The following TRIM7 variants were observed in gnomAD, a reference collection of about 807,000 sequenced individuals.
The protein encoded by TRIM7 is tripartite motif containing 7, also known as E3 ubiquitin-protein ligase TRIM7.
A neutral mutation model predicts 37.9 loss-of-function variants in TRIM7; 32 were observed. That is an observed-to-expected ratio of 0.84 (90% CI 0.64 to 1.13). The LOEUF (loss-of-function observed/expected upper bound fraction) is 1.13. Ranked by LOEUF, TRIM7 falls within the 50% of genes most tolerant of loss-of-function variation. TRIM7 has a pLI of 0.00. For synonymous variants in TRIM7, 351 were observed against 321.3 expected (o/e 1.09, Z -0.99); for missense variants, 732 against 714.0 (o/e 1.03, Z -0.29).
rs774312709 is a variant in TRIM7, at chr5:181,198,639, C to A, written c.988+51G>T. On this transcript the variant is annotated intron_variant, in intron 5 of 6. Transcript: ENST00000274773. ...CCAGGGACCCCTGAGCTACCAGGAA[C>A]CCTCCACCACCACCGCACTATGTGG... The A allele has an allele frequency of 3.8e-6, 5 of 1,311,712 alleles. No individual in the cohort carries two copies. The Admixed American group carries it at 8.8e-5, about 23-fold the overall frequency. The allele number at this position is 1,311,712 out of a possible 1,614,324, so 81.3% of individuals were successfully genotyped here. A position where few individuals can be genotyped will look rare whatever the true frequency, so the allele number is the denominator to read the frequency against.
intron 2 of TRIM7, 64 bp from the exon 3 acceptor site, chr5:181,200,145 C>T (rs1304711868): frequency 6.2e-7 from 1 of 1,613,462 alleles, no homozygotes; most frequent in African/African-American, 1.3e-5. Context: ...GGCCAGTGGC[C>T]TGAGTCATCC....
chr5:181,195,835 C>T, intron 6 of TRIM7, 158 bp from the exon 7 acceptor site: 1 of 917,214 alleles, frequency 1.1e-6, no homozygotes, highest in Non-Finnish European at 1.5e-6. Context: ...CACGCTCTGC[C>T]TCCCAGAGAT....
Position 181,195,443 on chromosome 5 carries a change from C to A in TRIM7, c.1259G>T (p.Arg420Leu). 1.2e-6 allele frequency: 2 copies of A among 1,608,316 alleles called. No homozygotes were observed. Among genetic ancestry groups the A allele is most frequent in the Non-Finnish European group, 1.7e-6 (2 of 1,177,834 alleles). Residue 420 changes from arginine (R) to leucine (L), a missense_variant, in exon 7 of 7, where the codon CGA (arginine) becomes CTA (leucine). Coordinates refer to ENST00000274773, the MANE Select transcript of TRIM7 (RefSeq NM_203293.3). Reference sequence around the variant, plus strand: ...GGGAGTGAAGGGCGTCAGGCCCTTTCGGCGCACGCTCTCGCGGGCCACGCC... The same window carrying A: ...GGGAGTGAAGGGCGTCAGGCCCTTTAGGCGCACGCTCTCGCGGGCCACGCC... ...AFGVARESVRRKGLTPFTPEE... is the reference protein window; with the variant it reads ...AFGVARESVRLKGLTPFTPEE...
rs77374714 is a variant in TRIM7, at chr5:181,194,982, C to G, written c.*184G>C. 9.2e-3 allele frequency: 6,203 copies of G among 673,470 alleles called. 318 individuals carry two copies. The African/African-American group carries it at 0.1, about 11-fold the overall frequency. 41.7% of individuals were successfully genotyped at this position (673,470 alleles called of 1,614,324 possible). ...GGAACACCCTCAGGAGTCCAAAGCC[C>G]CTGTTCCCCTGCTCGGTTGGCCACA... On this transcript the variant is annotated 3_prime_UTR_variant, in exon 7 of 7. Transcript: ENST00000274773.
intron 6 of TRIM7, 82 bp downstream of exon 6, chr5:181,198,101 A>C: frequency 6.5e-7 from 1 of 1,540,614 alleles, no homozygotes; most frequent in Non-Finnish European, 8.9e-7. Flanking sequence ...ACCATATGCA[A>C]AACCCTGAGA....
At chr5:181,202,378 C>T (rs1229139918) in intron 2 of TRIM7, 1 of 151,908 alleles carries the variant, frequency 6.6e-6, no homozygotes, top group Non-Finnish European at 1.5e-5. Flanking sequence ...GGGGTTGCTC[C>T]ATGTTGGTCA....
At chr5:181,200,420 C>A in intron 2 of TRIM7, 6 of 1,312,346 alleles carry the variant, frequency 4.6e-6, no homozygotes, top group Non-Finnish European at 5.8e-6. Flanking sequence ...TAAATTAGTG[C>A]CTCCTGGGGC....
intron 6 of TRIM7, 30 bp from the exon 7 acceptor site, chr5:181,195,707 C>T: frequency 6.6e-7 from 1 of 1,507,466 alleles, no homozygotes; most frequent in Non-Finnish European, 8.9e-7. Flanking sequence ...GAAATGTCCC[C>T]ACGCAGCCAG....
rs1561652720 is a variant in TRIM7 at position 181,204,627 on chromosome 5, C to A, written c.484G>T (p.Ala162Ser). 1.4e-6 allele frequency: 2 copies of A among 1,475,568 alleles called. No homozygotes were observed. The highest frequency in any genetic ancestry group is 8.9e-7 in the Non-Finnish European group (1 of 1,126,552). The allele number at this position is 1,475,568 out of a possible 1,614,324, so 91.4% of individuals were successfully genotyped here. A position where few individuals can be genotyped will look rare whatever the true frequency, so the allele number is the denominator to read the frequency against. The change falls in exon 1 of 7, where the codon GCC (alanine) becomes TCC (serine). Residue 162 changes from alanine (A) to serine (S), a missense_variant. Physicochemically the swap from Ala to Ser is moderately conservative, Grantham distance 99. Transcript: ENST00000274773. ...CDRAREHREH[A>S]VLPLDEAVQE... ...ACCGCCTCGTCCAGCGGCAGCACGG[C>A]GTGCTCGCGGTGCTCGCGGGCGCGG...
At chr5:181,203,813 C>A in intron 1 of TRIM7, 173 bp from the exon 2 acceptor site, 1 of 1,368,130 alleles carries the variant, frequency 7.3e-7, no homozygotes, top group Non-Finnish European at 9.4e-7. Flanking sequence ...CTCTGAAGGT[C>A]TCGGGATCTT....
At position 181,205,192 on chromosome 5, in the gene TRIM7, C is replaced by T; in HGVS notation, c.-82G>A. The T allele has an allele frequency of 1.6e-6, 2 of 1,248,968 alleles. No homozygotes were observed. The highest frequency in any genetic ancestry group is 2.0e-6 in the Non-Finnish European group (2 of 989,266). The allele number at this position is 1,248,968 out of a possible 1,614,324, so 77.4% of individuals were successfully genotyped here. On this transcript the variant is annotated 5_prime_UTR_variant, in exon 1 of 7. Coordinates refer to ENST00000274773, the MANE Select transcript of TRIM7 (RefSeq NM_203293.3). Reference sequence around the variant, plus strand: ...GGACGCGGAGCTGGGCGCCGAGGGCCCACTGGGAGAGGAAGGGCGGGGCTG... The same window carrying T: ...GGACGCGGAGCTGGGCGCCGAGGGCTCACTGGGAGAGGAAGGGCGGGGCTG...
intron 1 of TRIM7, chr5:181,204,153 T>C: frequency 1.0e-6 from 1 of 1,003,578 alleles, no homozygotes; most frequent in Non-Finnish European, 1.2e-6. Context: ...CGAGGTCCTC[T>C]CACTCAGTTC....
In TRIM7 at chr5:181,195,523, G is replaced by A; in HGVS notation, c.1179C>T (p.Ser393=). Residue 393 remains serine (S), a synonymous_variant, in exon 7 of 7, where the codon TCC becomes TCT. Coordinates refer to ENST00000274773, the MANE Select transcript of TRIM7 (RefSeq NM_203293.3). Reference sequence around the variant, plus strand: ...CCACCTCCCAGTGATGCCGGCCCGAGGAGAAGCCGCAGGACGCCAGGACGC... The same window carrying A: ...CCACCTCCCAGTGATGCCGGCCCGAAGAGAAGCCGCAGGACGCCAGGACGC... ...NTRVLASCGF[S]SGRHHWEVEV... 6.2e-7 allele frequency: 1 copy of A among 1,612,702 alleles called. No individual in the cohort carries two copies. The highest frequency in any genetic ancestry group is 1.1e-5 in the South Asian group (1 of 91,056).
intron 2 of TRIM7, chr5:181,200,518 A>G: frequency 9.4e-7 from 1 of 1,058,790 alleles, no homozygotes; most frequent in Non-Finnish European, 1.1e-6. Context: ...CTTTCTTTTT[A>G]AAGGCCATCT....
intron 2 of TRIM7, chr5:181,200,364 A>C: frequency 1.4e-6 from 2 of 1,401,972 alleles, no homozygotes; most frequent in East Asian, 2.6e-5. Context: ...TACTCCCCCC[A>C]GAACTACGCC....
chr5:181,204,518 C>A, intron 1 of TRIM7, 71 bp downstream of exon 1: 2 of 1,303,154 alleles, frequency 1.5e-6, no homozygotes, highest in Non-Finnish European at 2.0e-6. Context: ...TCTCTGCACC[C>A]CGTGCGCGGG....
At position 181,195,146 on chromosome 5, in the gene TRIM7, G is replaced by A. The variant is rs1757011936; in HGVS notation, c.*20C>T. 1 of 1,567,686 alleles carries A rather than the reference G, an allele frequency of 6.4e-7. No homozygotes were observed. Among genetic ancestry groups the A allele is most frequent in the Non-Finnish European group, 8.7e-7 (1 of 1,153,526 alleles). On this transcript the variant is annotated 3_prime_UTR_variant, in exon 7 of 7. Coordinates refer to ENST00000274773, the MANE Select transcript of TRIM7 (RefSeq NM_203293.3). ...CCTCCCACCGGCAGCCCAGAGACAG[G>A]AGCTCCCCAGCAGTGCCCCTCAAGG...
intron 1 of TRIM7, chr5:181,204,223 C>T: frequency 2.9e-6 from 3 of 1,037,984 alleles, no homozygotes; most frequent in Non-Finnish European, 3.5e-6. Context: ...GTGGGGGCAG[C>T]GGCTGCGTGG....
At chr5:181,196,063 T>G (rs1194345479) in intron 6 of TRIM7, 1 of 194,616 alleles carries the variant, frequency 5.1e-6, no homozygotes, top group Non-Finnish European at 1.0e-5. Context: ...TTTATGGCAA[T>G]GATATGTTGT....
Sources: allele counts gnomAD v4.1 joint callset, GRCh38; gene constraint gnomAD v4.1.1; transcripts MANE v1.5; gene names NCBI Gene and HGNC (gene_info 2026-07-23, HGNC 2026-07-21).